TMEM272: variants seen among roughly 807,000 people sequenced by gnomAD.
TMEM272 encodes the protein transmembrane protein 272, also known as long intergenic non-protein coding RNA 282.
A neutral mutation model predicts 3.7 loss-of-function variants in TMEM272; 8 were observed. The observed-to-expected ratio is 2.17, with a 90% CI of 1.27 to 3.91. TMEM272 has a LOEUF of 3.91. Among genes scored for constraint, TMEM272 ranks in the 30% most tolerant of loss-of-function variants. TMEM272 has a pLI of 0.00. For synonymous variants in TMEM272, 63 were observed against 39.8 expected (o/e 1.58, Z -2.20); for missense variants, 166 against 91.5 (o/e 1.81, Z -3.32).
intron 1 of TMEM272, among the ~76,000 whole-genome samples, chr13:51,842,847 T>C (rs562473916): frequency 6.6e-6 from 1 of 152,354 alleles, no homozygotes; most frequent in Admixed American, 6.5e-5. Flanking sequence ...TGTTGGATAT[T>C]TACTTTTCAC....
the TMEM272 span, among the ~76,000 whole-genome samples, chr13:51,851,522 CTTT>C: frequency 7.2e-4 from 71 of 97,982 alleles, no homozygotes; most frequent in Middle Eastern, 7.4e-3. Context: ...TTTGTTTTAC[CTTT>C]TTTTTTTTTT....
chr13:51,852,596 G>A, the TMEM272 span, among the ~76,000 whole-genome samples: 190 of 152,116 alleles, frequency 1.2e-3, no homozygotes, highest in Middle Eastern at 6.8e-3. Flanking sequence ...CAGTTGACCC[G>A]CGGCCGGGCG....
At chr13:51,926,104 TG>T in the TMEM272 span, among the ~76,000 whole-genome samples, 2 of 151,452 alleles carry the variant, frequency 1.3e-5, no homozygotes, top group African/African-American at 4.9e-5. Flanking sequence ...GTGGTGTGTG[TG>T]GTGTGTGTGT....
the TMEM272 span, among the ~76,000 whole-genome samples, chr13:51,859,671 T>C: frequency 1.3e-5 from 2 of 152,090 alleles, no homozygotes; most frequent in African/African-American, 4.8e-5. Context: ...ATAGACTTCA[T>C]AGAATTTGTC....
chr13:51,910,200 A>T, the TMEM272 span: 1 of 1,159,672 alleles, frequency 8.6e-7, no homozygotes, highest in South Asian at 1.2e-5. Flanking sequence ...TTCATGCTCC[A>T]GTTCAGAATT....
the TMEM272 span, among the ~76,000 whole-genome samples, chr13:51,903,152 C>T: frequency 6.6e-6 from 1 of 152,216 alleles, no homozygotes; most frequent in Non-Finnish European, 1.5e-5. Flanking sequence ...GAAGGTCTCA[C>T]CTCCTTAGTG....
At chr13:51,844,781 A>C (rs1297022968) in intron 1 of TMEM272, among the ~76,000 whole-genome samples, 3 of 152,200 alleles carry the variant, frequency 2.0e-5, no homozygotes, top group Non-Finnish European at 4.4e-5. Context: ...TTCGCCCTGC[A>C]GTTAATTATT....
At chr13:51,876,671 A>C in the TMEM272 span, among the ~76,000 whole-genome samples, 3 of 152,210 alleles carry the variant, frequency 2.0e-5, no homozygotes, top group Non-Finnish European at 2.9e-5. Flanking sequence ...CAAGCAGGTA[A>C]TAGAGGGTCT....
the TMEM272 span, chr13:51,908,615 A>G: frequency 2.0e-6 from 3 of 1,494,744 alleles, no homozygotes; most frequent in Non-Finnish European, 2.8e-6. Context: ...CCACATTTAA[A>G]TTACCAAGAT....
chr13:51,912,095 G>A, the TMEM272 span, among the ~76,000 whole-genome samples: 1 of 151,846 alleles, frequency 6.6e-6, no homozygotes, highest in East Asian at 1.9e-4. Context: ...TCCTTCCTTC[G>A]TCTTTCTCCA....
the TMEM272 span, among the ~76,000 whole-genome samples, chr13:51,876,334 A>G: frequency 1.3e-5 from 2 of 152,236 alleles, no homozygotes; most frequent in South Asian, 4.1e-4. Context: ...TGTCTATTAA[A>G]AGATCTTCAG....
At chr13:51,925,429 T>C in the TMEM272 span, among the ~76,000 whole-genome samples, 1 of 152,204 alleles carries the variant, frequency 6.6e-6, no homozygotes, top group South Asian at 2.1e-4. Flanking sequence ...GAACAGATGC[T>C]ACCAAAGGTG....
chr13:51,865,284 C>A, the TMEM272 span: 1 of 993,350 alleles, frequency 1.0e-6, no homozygotes, highest in Non-Finnish European at 1.5e-6. Context: ...AAGGGCCGTC[C>A]CCTGGCATGT....
At chr13:51,846,476 CAT>C (rs750974881), upstream of TMEM272, among the ~76,000 whole-genome samples, 42 of 152,110 alleles carry the variant, frequency 2.8e-4, no homozygotes, top group Middle Eastern at 3.4e-3. Context: ...ATGTACAGCA[CAT>C]GATACTTTAC....
chr13:51,824,299 T>G (rs566016186), intron 3 of TMEM272, among the ~76,000 whole-genome samples: 2 of 152,344 alleles, frequency 1.3e-5, no homozygotes, highest in African/African-American at 4.8e-5. Flanking sequence ...TGGTTTTAGA[T>G]CTCTCCCTAG....
At chr13:51,907,205 G>GCTCACTCTAGA in the TMEM272 span, among the ~76,000 whole-genome samples, 3 of 152,188 alleles carry the variant, frequency 2.0e-5, no homozygotes, top group Non-Finnish European at 4.4e-5. Context: ...CCCTAAGGGA[G>GCTCACTCTAGA]CTCACTCTAG....
chr13:51,905,366 C>T, the TMEM272 span, among the ~76,000 whole-genome samples: 7 of 152,310 alleles, frequency 4.6e-5, no homozygotes, highest in South Asian at 8.3e-4. Flanking sequence ...CCACTCACCT[C>T]GGCTAGAGCT....
chr13:51,869,142 T>C, the TMEM272 span, among the ~76,000 whole-genome samples: 1 of 152,248 alleles, frequency 6.6e-6, no homozygotes. Context: ...GCTGTCTAGT[T>C]GAACCCCCTT....
At chr13:51,922,526 C>A in the TMEM272 span, among the ~76,000 whole-genome samples, 1 of 152,204 alleles carries the variant, frequency 6.6e-6, no homozygotes, top group Non-Finnish European at 1.5e-5. Context: ...CCTCAACCTG[C>A]CAGGCGACAG....
Sources: gnomAD v4.1 joint callset for allele counts (sites outside exome capture counted in the v4.1 genomes callset) on GRCh38, gnomAD v4.1.1 for gene constraint, MANE v1.5 for transcripts, NCBI Gene and HGNC (gene_info 2026-07-23, HGNC 2026-07-21) for gene names.